The following VAC14 variants were observed in gnomAD, a reference collection of about 807,000 sequenced individuals.
The protein encoded by VAC14 is protein VAC14 homolog.
VAC14 carries 47 observed loss-of-function variants against 85.3 expected under a neutral mutation model. The observed-to-expected ratio is 0.55, with a 90% confidence interval of 0.44 to 0.70. The LOEUF is 0.70. VAC14 is among the 30% of genes least tolerant of loss of function. VAC14 has a pLI of 0.00. For synonymous variants in VAC14, 447 were observed against 430.5 expected (o/e 1.04, Z -0.47); for missense variants, 861 against 1,004.3 (o/e 0.86, Z 1.93).
intron 17 of VAC14, among the ~76,000 whole-genome samples, chr16:70,693,383 G>A (rs1273625839): frequency 6.6e-6 from 1 of 152,242 alleles, no homozygotes; most frequent in Non-Finnish European, 1.5e-5. Context: ...TTCTCCAGTT[G>A]GCTCCACACG....
chr16:70,714,283 C>G (rs2054102297), intron 14 of VAC14: 1 of 152,242 alleles, frequency 6.6e-6, no homozygotes, highest in South Asian at 2.1e-4. Context: ...GGGGTAAGAT[C>G]ATAGATGGGT....
chr16:70,791,002 C>T (rs1567611514), intron 1 of VAC14, among the ~76,000 whole-genome samples: 2 of 152,236 alleles, frequency 1.3e-5, no homozygotes, highest in African/African-American at 2.4e-5. Flanking sequence ...CAGGAAGAAT[C>T]TGTTCCACGA....
intron 1 of VAC14, among the ~76,000 whole-genome samples, chr16:70,797,933 C>T (rs13332036): frequency 0.039 from 5,962 of 152,296 alleles, 375 homozygotes; most frequent in African/African-American, 0.13. Flanking sequence ...AGCCGCTATG[C>T]TTTCTGTACA....
rs563901892 is a variant in VAC14 at position 70,789,593 on chromosome 16, T to C, written c.105-3228A>G. Among the ~76,000 whole-genome samples the C allele has an allele frequency of 2.0e-4, 30 of 152,324 alleles. No homozygotes were observed. The East Asian group carries it at 5.2e-3, about 26-fold the overall frequency. The stretch of plus-strand genomic sequence containing the variant: ...GGCCAATGCAGCAGCAGACCTTTAG[T>C]TTAATCGTGAGAGACTGAATTTGAG... On this transcript the variant is annotated intron_variant, in intron 1 of 18. Transcript: ENST00000261776.
chr16:70,765,604 G>A (rs2032746371), intron 10 of VAC14, among the ~76,000 whole-genome samples: 2 of 152,170 alleles, frequency 1.3e-5, no homozygotes, highest in African/African-American at 2.4e-5. Flanking sequence ...GAATGGTGGG[G>A]CCGCACTTTG....
chr16:70,698,107 G>A (rs1053763583), intron 15 of VAC14, among the ~76,000 whole-genome samples: 11 of 152,204 alleles, frequency 7.2e-5, no homozygotes, highest in African/African-American at 2.7e-4. Context: ...CCCATCCAGA[G>A]CCTGGGACGG....
chr16:70,702,329 C>G (rs1056422030), intron 14 of VAC14, among the ~76,000 whole-genome samples: 15 of 152,156 alleles, frequency 9.9e-5, no homozygotes, highest in Non-Finnish European at 2.1e-4. Flanking sequence ...AGCCTCCTCA[C>G]GAGGTGTCTC....
chr16:70,790,966 C>G (rs937656096), intron 1 of VAC14, among the ~76,000 whole-genome samples: 1 of 152,190 alleles, frequency 6.6e-6, no homozygotes, highest in African/African-American at 2.4e-5. Flanking sequence ...GAGCACCGGG[C>G]CTGGGGTCAA....
chr16:70,739,540 G>A (rs1451477816), intron 13 of VAC14, among the ~76,000 whole-genome samples: 1 of 152,156 alleles, frequency 6.6e-6, no homozygotes, highest in Non-Finnish European at 1.5e-5. Context: ...GCTGGCGCAG[G>A]TGGGATTCCT....
At chr16:70,696,955 T>C in intron 16 of VAC14, 184 bp downstream of exon 16, 1 of 557,782 alleles carries the variant, frequency 1.8e-6, no homozygotes, top group South Asian at 2.0e-5. Flanking sequence ...CCAATCTCGC[T>C]CTCCCAAATA....
In VAC14 at chr16:70,694,012, G is replaced by C. The variant is rs529000903; in HGVS notation, c.2036-1041C>G. The stretch of plus-strand genomic sequence containing the variant: ...AGGCCTGGCTGCCCAGCAGAAGCGC[G>C]AGCCTGTTTCCAGTCCTTTCTTCCC... On this transcript the variant is annotated intron_variant, in intron 17 of 18. Coordinates refer to ENST00000261776, the MANE Select transcript of VAC14 (RefSeq NM_018052.5). Among the ~76,000 whole-genome samples the C allele has an allele frequency of 2.6e-5, 4 of 152,288 alleles. No individual in the cohort carries two copies. In the South Asian group the frequency reaches 6.2e-4, roughly 24 times the overall value.
chr16:70,781,091 C>T, intron 8 of VAC14, 152 bp from the exon 9 acceptor site: 1 of 1,041,248 alleles, frequency 9.6e-7, no homozygotes, highest in East Asian at 2.6e-5. Flanking sequence ...TTGGTGCCCT[C>T]CCCATGGTAC....
At chr16:70,722,500 C>T (rs957245999) in intron 14 of VAC14, among the ~76,000 whole-genome samples, 2 of 152,164 alleles carry the variant, frequency 1.3e-5, no homozygotes, top group Admixed American at 6.5e-5. Context: ...CTGTGATCTT[C>T]GTGACTCTGC....
intron 14 of VAC14, among the ~76,000 whole-genome samples, chr16:70,705,827 T>C (rs2053910392): frequency 6.6e-6 from 1 of 152,200 alleles, no homozygotes; most frequent in South Asian, 2.1e-4. Flanking sequence ...CTCCACCTTG[T>C]CCACTCTCGC....
chr16:70,771,353 T>C (rs1183693142), intron 10 of VAC14: 1 of 152,160 alleles, frequency 6.6e-6, no homozygotes, highest in Non-Finnish European at 1.5e-5. Flanking sequence ...ATCTTGGACA[T>C]GATTAATGAC....
At chr16:70,698,994 C>T (rs1006282590) in intron 14 of VAC14, among the ~76,000 whole-genome samples, 183 bp from the exon 15 acceptor site, 13 of 152,258 alleles carry the variant, frequency 8.5e-5, no homozygotes, top group East Asian at 5.8e-4. Context: ...GGGGGAATGC[C>T]GCACCTGCCT....
intron 12 of VAC14, among the ~76,000 whole-genome samples, chr16:70,745,851 A>G (rs1036804855): frequency 2.0e-5 from 3 of 152,188 alleles, no homozygotes; most frequent in African/African-American, 7.2e-5. Flanking sequence ...GACCAGGGAA[A>G]GTGGGACAGA....
rs1387337636 is a variant in VAC14 at position 70,692,742 on chromosome 16, C to A, written c.2186+79G>T. ...TGAGGGAGGCCTCAGCAGCCCCTGG[C>A]AAGGCCCTTCCTCACCAGGCTCCTC... On this transcript the variant is annotated intron_variant, in intron 18 of 18. Coordinates refer to ENST00000261776, the MANE Select transcript of VAC14 (RefSeq NM_018052.5). The A allele has an allele frequency of 4.6e-6, 7 of 1,530,918 alleles. No homozygotes were observed. In the East Asian group the frequency reaches 1.4e-4, roughly 31 times the overall value. The allele number at this position is 1,530,918 out of a possible 1,614,324, so 94.8% of individuals were successfully genotyped here.
intron 14 of VAC14, among the ~76,000 whole-genome samples, chr16:70,724,068 G>A (rs1308560646): frequency 2.0e-5 from 3 of 152,174 alleles, no homozygotes; most frequent in Non-Finnish European, 4.4e-5. Context: ...AGTGGACCCC[G>A]CAAACACCAA....
Sources: allele counts gnomAD v4.1 joint callset (sites outside exome capture counted in the v4.1 genomes callset), GRCh38; gene constraint gnomAD v4.1.1; transcripts MANE v1.5; gene names NCBI Gene and HGNC (gene_info 2026-07-23, HGNC 2026-07-21).